RANBP17: variants seen among roughly 807,000 people sequenced by gnomAD.
RANBP17 encodes the protein ran-binding protein 17.
In RANBP17, 158 loss-of-function variants were observed where a neutral mutation model predicts 141.2. That is an observed-to-expected ratio of 1.12 (90% CI 0.98 to 1.28). The LOEUF (loss-of-function observed/expected upper bound fraction) is 1.28, where lower values mean the gene tolerates loss of function less well. Among genes scored for constraint, RANBP17 ranks in the 50% most tolerant of loss-of-function variants. The pLI, the probability that RANBP17 is intolerant of heterozygous loss-of-function variation, is 0.00. For synonymous variants in RANBP17, 430 were observed against 450.0 expected (o/e 0.96, Z 0.56); for missense variants, 1,438 against 1,290.7 (o/e 1.11, Z -1.75).
intron 25 of RANBP17, among the ~76,000 whole-genome samples, chr5:171,277,646 T>TATATATATAC: frequency 8.2e-6 from 1 of 122,290 alleles, no homozygotes; most frequent in African/African-American, 3.1e-5. Context: ...TGTATATATA[T>TATATATATAC]ATATATATAT....
chr5:171,289,417 C>G (rs1768349633), intron 25 of RANBP17, among the ~76,000 whole-genome samples: 1 of 152,222 alleles, frequency 6.6e-6, no homozygotes, highest in African/African-American at 2.4e-5. Context: ...TTTGTCTATT[C>G]TATTTCAGCA....
chr5:171,277,938 C>CTTTTTTTTTT lies in RANBP17; in HGVS notation c.2943+12113_2943+12122dup, dbSNP rs140208253. Among the ~76,000 whole-genome samples, 38 of 72,264 alleles carry CTTTTTTTTTT rather than the reference C, an allele frequency of 5.3e-4. 2 individuals carry two copies. The highest frequency in any genetic ancestry group is 6.3e-4 in the African/African-American group (11 of 17,572). The allele number at this position is 72,264 out of a possible 152,430, so 47.4% of individuals were successfully genotyped here. ...CAGTCCTTGAGCCTAGGACTTCTTT[C>CTTTTTTTTTT]TTTTTTTTTTTTTTTTTTTTTTTTT... On this transcript the variant is annotated intron_variant, in intron 25 of 27. Transcript: ENST00000523189.
intron 14 of RANBP17, among the ~76,000 whole-genome samples, chr5:171,032,216 T>G (rs937240059): frequency 6.6e-6 from 1 of 152,136 alleles, no homozygotes; most frequent in African/African-American, 2.4e-5. Flanking sequence ...CCTGCTTTAA[T>G]GAATTCCCTT....
intron 3 of RANBP17, among the ~76,000 whole-genome samples, chr5:170,884,901 C>T (rs1257351895): frequency 1.1e-5 from 1 of 93,422 alleles, no homozygotes; most frequent in Admixed American, 1.2e-4. Context: ...GCACTCATCT[C>T]CATAAAATCA....
intron 25 of RANBP17, among the ~76,000 whole-genome samples, chr5:171,288,822 G>A (rs1260825828): frequency 6.6e-6 from 1 of 152,096 alleles, no homozygotes; most frequent in African/African-American, 2.4e-5. Context: ...ATGGTGCCCT[G>A]GCCTTTGACC....
intron 24 of RANBP17, among the ~76,000 whole-genome samples, chr5:171,263,821 G>T (rs1766497769): frequency 6.6e-6 from 1 of 152,174 alleles, no homozygotes; most frequent in South Asian, 2.1e-4. Flanking sequence ...CCAGCACTTT[G>T]GGAGGCTGAG....
chr5:171,040,439 C>T (rs781279965), intron 14 of RANBP17, among the ~76,000 whole-genome samples: 1 of 152,142 alleles, frequency 6.6e-6, no homozygotes, highest in Non-Finnish European at 1.5e-5. Flanking sequence ...TTATTTCTAG[C>T]ACTCAGTAAA....
intron 3 of RANBP17, among the ~76,000 whole-genome samples, chr5:170,888,540 T>C (rs1332396572): frequency 6.6e-6 from 1 of 152,202 alleles, no homozygotes; most frequent in Non-Finnish European, 1.5e-5. Flanking sequence ...GCAGAGTGAT[T>C]GACTTTGGTA....
intron 13 of RANBP17, among the ~76,000 whole-genome samples, chr5:170,965,334 C>G (rs957818922): frequency 4.0e-5 from 6 of 150,786 alleles, no homozygotes; most frequent in Non-Finnish European, 5.9e-5. Context: ...AAAATTTTCT[C>G]CCATTTTGTA....
At chr5:170,948,590 G>A (rs113481699) in intron 12 of RANBP17, among the ~76,000 whole-genome samples, 4,074 of 152,204 alleles carry the variant, frequency 0.027, 169 homozygotes, top group African/African-American at 0.093. Flanking sequence ...ACTTCTCATC[G>A]TCGTGGATCA....
chr5:171,111,469 C>G (rs191164367), intron 14 of RANBP17, among the ~76,000 whole-genome samples: 19 of 152,254 alleles, frequency 1.2e-4, no homozygotes, highest in Middle Eastern at 6.8e-3. Flanking sequence ...AATGGGTTCC[C>G]CTAATTCTAG....
At chr5:170,895,949 G>T in intron 4 of RANBP17, 101 bp from the exon 5 acceptor site, 1 of 529,686 alleles carries the variant, frequency 1.9e-6, no homozygotes, top group Non-Finnish European at 3.3e-6. Context: ...GAGTAAATGT[G>T]GTGTTTCAGT....
chr5:171,281,845 T>TC (rs1372279472), intron 25 of RANBP17, among the ~76,000 whole-genome samples: 1 of 152,220 alleles, frequency 6.6e-6, no homozygotes, highest in Non-Finnish European at 1.5e-5. Context: ...AGGCTTAGCC[T>TC]GTTTTGGAGA....
intron 4 of RANBP17, among the ~76,000 whole-genome samples, chr5:170,894,608 T>G (rs1188097374): frequency 6.6e-6 from 1 of 151,752 alleles, no homozygotes; most frequent in African/African-American, 2.4e-5. Context: ...TAGCAGCTTT[T>G]GTGAATTTTG....
intron 24 of RANBP17, among the ~76,000 whole-genome samples, chr5:171,249,436 G>C (rs1302855228): frequency 6.6e-6 from 1 of 152,062 alleles, no homozygotes; most frequent in Non-Finnish European, 1.5e-5. Context: ...TACTCAAAAA[G>C]AAATTTTCAA....
At chr5:170,992,572 A>G (rs1199364985) in intron 14 of RANBP17, among the ~76,000 whole-genome samples, 1 of 152,088 alleles carries the variant, frequency 6.6e-6, no homozygotes, top group Non-Finnish European at 1.5e-5. Context: ...TGTAAACTAT[A>G]AAGCATTGTG....
chr5:170,946,895 C>T (rs1339744083), intron 12 of RANBP17, among the ~76,000 whole-genome samples: 1 of 152,136 alleles, frequency 6.6e-6, no homozygotes, highest in African/African-American at 2.4e-5. Context: ...TAAAAACATA[C>T]TTGTTTACAT....
At chr5:171,170,017 T>TACCC in intron 14 of RANBP17, 113 bp from the exon 15 acceptor site, 1 of 471,138 alleles carries the variant, frequency 2.1e-6, no homozygotes, top group East Asian at 3.4e-5. Context: ...ACCCACTCCC[T>TACCC]ACTTCAGTGT....
chr5:171,072,788 G>A lies in RANBP17; in HGVS notation c.1711-97342G>A, dbSNP rs182969759. Among the ~76,000 whole-genome samples, 133 of 152,182 alleles carry A rather than the reference G, an allele frequency of 8.7e-4. 1 individual carries two copies. Among genetic ancestry groups the A allele is most frequent in the East Asian group, 1.9e-4 (1 of 5,186 alleles). ...CTTTTGTTCACACAGAAACCTATAT[G>A]CAAATGTTTATAGCAGCTTTATTTA... is the stretch of plus-strand genomic sequence containing the variant. On this transcript the variant is annotated intron_variant, in intron 14 of 27. Coordinates refer to ENST00000523189, the MANE Select transcript of RANBP17 (RefSeq NM_022897.5).
Sources: allele counts gnomAD v4.1 joint callset (sites outside exome capture counted in the v4.1 genomes callset), GRCh38; gene constraint gnomAD v4.1.1; transcripts MANE v1.5; gene names NCBI Gene and HGNC (gene_info 2026-07-23, HGNC 2026-07-21).